The following SELENOO variants were observed in gnomAD, a reference collection of about 807,000 sequenced individuals.
SELENOO encodes the protein selenoprotein O, also known as protein adenylyltransferase SelO, mitochondrial.
A neutral mutation model predicts 58.7 loss-of-function variants in SELENOO; 74 were observed. The observed-to-expected ratio is 1.26, with a 90% CI of 1.04 to 1.53. The LOEUF (loss-of-function observed/expected upper bound fraction) is 1.53. Ranked by LOEUF, SELENOO falls within the 40% of genes most tolerant of loss-of-function variation. The pLI is 0.00. For missense variants in SELENOO, 1,149 were observed against 970.0 expected (o/e 1.18, Z -2.45); for synonymous variants, 543 against 453.2 (o/e 1.20, Z -2.52).
rs34563111 is a variant in SELENOO, at chr22:50,204,620, C to CA, written c.555-1682dup. On this transcript the variant is annotated intron_variant, in intron 1 of 8. Coordinates refer to ENST00000380903, the MANE Select transcript of SELENOO (RefSeq NM_031454.2). ...TGGGTGACAGAGTGAGACCCTGTCT[C>CA]AAAAAAAAAAAAAAATCGTAAGTTA... is the stretch of plus-strand genomic sequence containing the variant. 3.1e-3 allele frequency among the ~76,000 whole-genome samples: 455 copies of CA among 147,988 alleles called. 1 individual carries two copies. The highest frequency in any genetic ancestry group is 0.021 in the Middle Eastern group (6 of 286).
chr22:50,209,537 A>G (rs4602327), intron 3 of SELENOO: 84,177 of 152,548 alleles, frequency 0.55, 23,291 homozygotes, highest in South Asian at 0.63. Context: ...CGGCATAGAC[A>G]TGCGTGGGTG....
Position 50,216,973 on chromosome 22 carries a change from G to C in SELENOO, c.1690G>C (p.Ala564Pro), listed in dbSNP as rs772189578. Residue 564 changes from alanine (A) to proline (P), a missense_variant and splice_region_variant, in exon 8 of 9, where the codon GCC (alanine) becomes CCC (proline). Ala to Pro is a conservative substitution (Grantham distance 27, BLOSUM62 -1). Transcript: ENST00000380903. ...HWADWLQAYR[A>P]RLDKDLEGAG... ...TCCAGAGCCCGGATGTCATTCCAGAGCCCGGCTGGACAAGGACCTGGAAGG... is the reference window on the plus strand; with the variant it reads ...TCCAGAGCCCGGATGTCATTCCAGACCCCGGCTGGACAAGGACCTGGAAGG... The C allele has an allele frequency of 6.2e-7, 1 of 1,607,970 alleles. No homozygotes were observed. The highest frequency in any genetic ancestry group is 1.7e-5 in the Admixed American group (1 of 59,934).
At chr22:50,214,629 G>A (rs1039932057) in intron 5 of SELENOO, among the ~76,000 whole-genome samples, 2 of 152,076 alleles carry the variant, frequency 1.3e-5, no homozygotes, top group African/African-American at 4.8e-5. Flanking sequence ...GCCAGGCATG[G>A]TGGCGGATGC....
chr22:50,215,189 G>A (rs566969267), intron 5 of SELENOO, among the ~76,000 whole-genome samples: 2 of 152,194 alleles, frequency 1.3e-5, no homozygotes, highest in Admixed American at 1.3e-4. Flanking sequence ...TTTTGCAGGC[G>A]GGTTACAGCA....
intron 2 of SELENOO, among the ~76,000 whole-genome samples, chr22:50,206,892 T>TA (rs1555904310): frequency 5.9e-5 from 9 of 151,750 alleles, no homozygotes; most frequent in Non-Finnish European, 1.3e-4. Context: ...CTGGTGCTTC[T>TA]GGGGGGGAGG....
chr22:50,201,012 G>C lies in SELENOO; in HGVS notation c.-25G>C. 1 of 1,246,634 alleles carries C rather than the reference G, an allele frequency of 8.0e-7. No homozygotes were observed. The highest frequency in any genetic ancestry group is 1.6e-5 in the African/African-American group (1 of 63,628). 77.2% of individuals were successfully genotyped at this position (1,246,634 alleles called of 1,614,324 possible). A position where few individuals can be genotyped will look rare whatever the true frequency, so the allele number is the denominator to read the frequency against. ...CGGGGCTTCCGGGCGGGGCAGGCTGGCTTCCGGCGGGAGCGGGGCCGCGGA... is the reference window on the plus strand; with the variant it reads ...CGGGGCTTCCGGGCGGGGCAGGCTGCCTTCCGGCGGGAGCGGGGCCGCGGA... On this transcript the variant is annotated 5_prime_UTR_variant, in exon 1 of 9. Transcript: ENST00000380903.
rs147152906 is a variant in SELENOO at position 50,214,878 on chromosome 22, C to T, written c.1352-839C>T. Among the ~76,000 whole-genome samples, 537 of 152,338 alleles carry T rather than the reference C, an allele frequency of 3.5e-3. 3 individuals are homozygous for T. The highest frequency in any genetic ancestry group is 0.012 in the African/African-American group (491 of 41,582). ...CTTCCAGCCTGTTCGTGTCTTTGAA[C>T]GTCTTGCAGATCGTGTGGTGACAAC... On this transcript the variant is annotated intron_variant, in intron 5 of 8. Transcript: ENST00000380903.
Position 50,201,286 on chromosome 22 carries a change from C to T in SELENOO, c.250C>T (p.Arg84Cys), listed in dbSNP as rs2064297658. 7 of 1,083,046 alleles carry T rather than the reference C, an allele frequency of 6.5e-6. No individual in the cohort carries two copies. The highest frequency in any genetic ancestry group is 6.7e-6 in the Non-Finnish European group (6 of 896,128). 67.1% of individuals were successfully genotyped at this position (1,083,046 alleles called of 1,614,324 possible). The change falls in exon 1 of 9, where the codon CGC (arginine) becomes TGC (cysteine). Residue 84 changes from arginine (R) to cysteine (C), a missense_variant. Transcript: ENST00000380903. ...GCCCGTGCCCGGGGCCTGCTTCACCCGCGTGCAGCCCACCCCGCTGCGGCA... is the reference window on the plus strand; with the variant it reads ...GCCCGTGCCCGGGGCCTGCTTCACCTGCGTGCAGCCCACCCCGCTGCGGCA... ...PRPVPGACFT[R>C]VQPTPLRQPR...
chr22:50,217,136 C>T lies in SELENOO; in HGVS notation c.1845+8C>T, dbSNP rs767963904. 9 of 1,611,696 alleles carry T rather than the reference C, an allele frequency of 5.6e-6. No individual in the cohort carries two copies. The highest frequency in any genetic ancestry group is 1.7e-4 in the Middle Eastern group (1 of 6,054). On this transcript the variant is annotated splice_region_variant and intron_variant, in intron 8 of 8. Transcript: ENST00000380903. ...CGCGGGGACTTCTCAGAGGCAAGCA[C>T]ACGCCTGTCCCTGTGGTCCCTGGGA...
intron 5 of SELENOO, among the ~76,000 whole-genome samples, chr22:50,213,746 C>G (rs1477220559): frequency 6.6e-6 from 1 of 152,074 alleles, no homozygotes; most frequent in Non-Finnish European, 1.5e-5. Flanking sequence ...CTCCCAGGTT[C>G]ACGGCATTTT....
chr22:50,207,889 G>A (rs2272848), intron 2 of SELENOO, among the ~76,000 whole-genome samples: 97,442 of 141,960 alleles, frequency 0.69, 34,576 homozygotes, highest in African/African-American at 0.87. Flanking sequence ...ACGCCCCTCC[G>A]TGTGTAAGAC....
In SELENOO at chr22:50,217,440, G is replaced by A; in HGVS notation, c.*71G>A. The stretch of plus-strand genomic sequence containing the variant: ...TGTGCTGCTGAGTGGCCAAGATGAT[G>A]CCAGGCTGCCCTATACACTGGGGGA... On this transcript the variant is annotated 3_prime_UTR_variant, in exon 9 of 9. Transcript: ENST00000380903. The A allele has an allele frequency of 1.3e-6, 2 of 1,553,822 alleles. No individual in the cohort carries two copies. Among genetic ancestry groups the A allele is most frequent in the South Asian group, 2.3e-5 (2 of 86,220 alleles).
In SELENOO at chr22:50,217,429, G is replaced by C. The variant is rs2064430653; in HGVS notation, c.*60G>C. On this transcript the variant is annotated 3_prime_UTR_variant, in exon 9 of 9. Coordinates refer to ENST00000380903, the MANE Select transcript of SELENOO (RefSeq NM_031454.2). The stretch of plus-strand genomic sequence containing the variant: ...CGAGGCCCCCATGTGCTGCTGAGTG[G>C]CCAAGATGATGCCAGGCTGCCCTAT... 6.3e-7 allele frequency: 1 copy of C among 1,581,076 alleles called. No individual in the cohort carries two copies. The highest frequency in any genetic ancestry group is 8.6e-7 in the Non-Finnish European group (1 of 1,164,794).
intron 5 of SELENOO, among the ~76,000 whole-genome samples, chr22:50,215,112 A>C (rs529618850): frequency 6.6e-6 from 1 of 152,168 alleles, no homozygotes; most frequent in Non-Finnish European, 1.5e-5. Context: ...TCTTAGGGTC[A>C]CTGTGGTTTC....
At chr22:50,211,956 G>A (rs1290933984) in intron 5 of SELENOO, among the ~76,000 whole-genome samples, 1 of 152,230 alleles carries the variant, frequency 6.6e-6, no homozygotes, top group Admixed American at 6.5e-5. Context: ...GCCCACCTCA[G>A]CCGCCCAAAG....
intron 1 of SELENOO, among the ~76,000 whole-genome samples, chr22:50,202,230 T>C (rs1205994096): frequency 1.1e-5 from 1 of 94,202 alleles, no homozygotes; most frequent in Non-Finnish European, 2.3e-5. Flanking sequence ...GTGTACATTT[T>C]ATGTTCAGAG....
Position 50,201,388 on chromosome 22 carries a change from G to T in SELENOO, c.352G>T (p.Ala118Ser), listed in dbSNP as rs750577534. The T allele has an allele frequency of 7.3e-5, 93 of 1,274,974 alleles. No homozygotes were observed. In the African/African-American group the frequency reaches 1.3e-3, roughly 18 times the overall value. The allele number at this position is 1,274,974 out of a possible 1,614,324, so 79.0% of individuals were successfully genotyped here. A position where few individuals can be genotyped will look rare whatever the true frequency, so the allele number is the denominator to read the frequency against. The change falls in exon 1 of 9, where the codon GCC becomes TCC. Residue 118 changes from alanine to serine, a missense_variant. Transcript: ENST00000380903. ...LGAPPAREAE[A>S]EAALFFSGNA... ...CGCGCCGCCCGCGCGCGAGGCCGAG[G>T]CCGAGGCCGCGCTGTTCTTCAGCGG...
At chr22:50,210,984 C>T (rs2064367891) in intron 5 of SELENOO, 73 bp downstream of exon 5, 3 of 1,536,452 alleles carry the variant, frequency 2.0e-6, no homozygotes, top group Non-Finnish European at 2.7e-6. Context: ...TACCTTCTGG[C>T]TTCCAGGTTC....
In SELENOO at chr22:50,216,861, G is replaced by A. The variant is rs1168973787; in HGVS notation, c.1673G>A (p.Trp558Ter). The A allele has an allele frequency of 1.9e-6, 3 of 1,607,648 alleles. No homozygotes were observed. The highest frequency in any genetic ancestry group is 1.3e-5 in the African/African-American group (1 of 74,922). ...AGGAACCAGGGCCACTGGGCTGACT[G>A]GCTACAGGCGTACAGGTGAGCCCTG... The part of the protein sequence containing the change: ...QSRNQGHWAD[W>*]LQAYRARLDK... The change falls in exon 7 of 9, where the codon TGG becomes TAG. Residue 558 changes from tryptophan (W) to a stop codon, truncating the protein, a stop_gained. Transcript: ENST00000380903. LOFTEE classifies it high-confidence loss of function.
Sources: allele counts gnomAD v4.1 joint callset (sites outside exome capture counted in the v4.1 genomes callset), GRCh38; gene constraint gnomAD v4.1.1; transcripts MANE v1.5; gene names NCBI Gene and HGNC (gene_info 2026-07-23, HGNC 2026-07-21).